The following WDCP variants were observed in gnomAD, a reference collection of about 807,000 sequenced individuals.
WDCP encodes WD repeat and coiled coil containing.
A neutral mutation model predicts 41.6 loss-of-function variants in WDCP; 19 were observed. That is an observed-to-expected ratio of 0.46 (90% CI 0.32 to 0.67). WDCP has a LOEUF of 0.67. Ranked by LOEUF, WDCP falls within the 30% of genes least tolerant of loss-of-function variation. The probability of loss-of-function intolerance (pLI) is 0.04; values close to 1 mark genes in which losing one functional copy is unlikely to be tolerated. For synonymous variants in WDCP, 302 were observed against 320.8 expected (o/e 0.94, Z 0.63); for missense variants, 802 against 850.7 (o/e 0.94, Z 0.71).
At position 24,038,714 on chromosome 2, in the gene WDCP, C is replaced by G. The variant is rs778999786; in HGVS notation, c.781G>C (p.Asp261His). ...GTTTCAGAATCAGTTGCCTCTTTAT[C>G]CATAGAGCGTACTTCACCAATAACT... ...LPVIGEVRSM[D>H]KEATDSETNS... Residue 261 changes from aspartate to histidine, a missense_variant, in exon 2 of 4, where the codon GAT (aspartate) becomes CAT (histidine). Around this residue, in one of 5 missense-constraint regions of WDCP, gnomAD observed 247 missense variants for 240.5 expected, o/e 1.03. Transcript: ENST00000295148. The G allele has an allele frequency of 1.9e-6, 3 of 1,614,186 alleles. No individual in the cohort carries two copies. The highest frequency in any genetic ancestry group is 2.5e-6 in the Non-Finnish European group (3 of 1,180,006).
Position 24,038,210 on chromosome 2 carries a change from TAACA to T in WDCP, c.1281_1284del (p.Val428GlufsTer3), listed in dbSNP as rs758161353. 146 of 1,614,128 alleles carry T rather than the reference TAACA, an allele frequency of 9.0e-5. No homozygotes were observed. The highest frequency in any genetic ancestry group is 3.4e-6 in the Non-Finnish European group (4 of 1,180,050). On this transcript the variant is annotated frameshift_variant, in exon 2 of 4. Coordinates refer to ENST00000295148, the MANE Select transcript of WDCP (RefSeq NM_025203.3). LOFTEE classifies it high-confidence loss of function. ...GGTTCTTCTTCCAACATTATTTCTC[TAACA>T]ATCAAGCTAATGGCATACTGATCAG...
intron 2 of WDCP, chr2:24,033,328 G>A (rs1319302112): frequency 1.5e-5 from 5 of 330,144 alleles, no homozygotes; most frequent in South Asian, 2.8e-5. Context: ...AAAAAATGCC[G>A]AGAGAGTGTC....
At position 24,037,797 on chromosome 2, in the gene WDCP, C is replaced by A; in HGVS notation, c.1698G>T (p.Arg566Ser). The change falls in exon 2 of 4, where the codon AGG becomes AGT. Residue 566 changes from arginine (R) to serine (S), a missense_variant. This residue lies in a region of WDCP where 321 missense variants were observed against 305.1 expected (regional missense o/e 1.05). Transcript: ENST00000295148. ...QLSKEVEILSRNLVEMQRCLS... is the reference protein window; with the variant it reads ...QLSKEVEILSSNLVEMQRCLS... ...GACACCGTTGCATTTCAACCAGGTT[C>A]CTAGATAAAATTTCCACTTCCTTAG... 9.3e-6 allele frequency: 15 copies of A among 1,614,218 alleles called. No individual in the cohort carries two copies. The highest frequency in any genetic ancestry group is 1.3e-5 in the Non-Finnish European group (15 of 1,180,046).
At chr2:24,032,802 T>A in intron 3 of WDCP, 27 bp downstream of exon 3, 2 of 1,320,714 alleles carry the variant, frequency 1.5e-6, no homozygotes, top group Non-Finnish European at 2.2e-6. Context: ...GGATGTTAGC[T>A]AGGGTCAATT....
At chr2:24,039,570 A>C (rs193024910) in intron 1 of WDCP, 58 bp from the exon 2 acceptor site, 1 of 1,505,896 alleles carries the variant, frequency 6.6e-7, no homozygotes, top group African/African-American at 1.4e-5. Context: ...TCTAGAATGT[A>C]GGACATTTGG....
Position 24,038,966 on chromosome 2 carries a change from T to C in WDCP, c.529A>G (p.Ser177Gly), listed in dbSNP as rs1300478837. 5.0e-6 allele frequency: 8 copies of C among 1,614,218 alleles called. No individual in the cohort carries two copies. Among genetic ancestry groups the C allele is most frequent in the Non-Finnish European group, 6.8e-6 (8 of 1,180,042 alleles). ...DGLRLVVAVG[S>G]SLHSYIWDSA... is the part of the protein sequence containing the mutation. ...TCCCAAATATAAGAATGCAGGCTGC[T>C]GCCTACTGCCACCACCAGCCTCAGG... Residue 177 changes from serine (S) to glycine (G), a missense_variant, in exon 2 of 4, where the codon AGC (serine) becomes GGC (glycine). By Grantham distance (56) the Ser-to-Gly change is moderately conservative. Coordinates refer to ENST00000295148, the MANE Select transcript of WDCP (RefSeq NM_025203.3).
chr2:24,042,535 C>CAAAAA (rs35044474), intron 1 of WDCP, among the ~76,000 whole-genome samples: 17 of 61,568 alleles, frequency 2.8e-4, no homozygotes, highest in African/African-American at 2.1e-4. Flanking sequence ...TACTCCGTCT[C>CAAAAA]AAAAAAAAAA....
rs1159602927 is a variant in WDCP at position 24,038,508 on chromosome 2, G to T, written c.987C>A (p.Thr329=). 1.2e-6 allele frequency: 2 copies of T among 1,614,178 alleles called. No homozygotes were observed. Among genetic ancestry groups the T allele is most frequent in the Non-Finnish European group, 1.7e-6 (2 of 1,180,038 alleles). The change falls in exon 2 of 4, where the codon ACC becomes ACA. Residue 329 remains threonine (T), a synonymous_variant. Transcript: ENST00000295148. The part of the protein sequence containing the change: ...LVLVTFKKAV[T]MTRKVTIPGI... ...CTGGAATAGTGACTTTTCTCGTCATGGTAACTGCCTTCTTAAAGGTCACAA... is the reference window on the plus strand; with the variant it reads ...CTGGAATAGTGACTTTTCTCGTCATTGTAACTGCCTTCTTAAAGGTCACAA...
chr2:24,033,154 A>C, intron 2 of WDCP: 1 of 647,380 alleles, frequency 1.5e-6, no homozygotes, highest in Non-Finnish European at 2.9e-6. Context: ...CTTTTGTTCT[A>C]CTCTTTCCTC....
chr2:24,041,767 T>A (rs1237049001), intron 1 of WDCP, among the ~76,000 whole-genome samples: 4 of 147,370 alleles, frequency 2.7e-5, no homozygotes, highest in African/African-American at 1.0e-4. Flanking sequence ...GCTGGACAAT[T>A]GCTTGAACCT....
At chr2:24,039,566 A>T in intron 1 of WDCP, 54 bp from the exon 2 acceptor site, 1 of 1,506,952 alleles carries the variant, frequency 6.6e-7, no homozygotes, top group Non-Finnish European at 9.0e-7. Flanking sequence ...CAAATCTAGA[A>T]TGTAGGACAT....
intron 2 of WDCP, among the ~76,000 whole-genome samples, chr2:24,036,065 A>ACAATAAATAAATAAATAAAT (rs1663243793): frequency 7.1e-6 from 1 of 140,362 alleles, no homozygotes; most frequent in Non-Finnish European, 1.5e-5. Context: ...CTCCGTCTCA[A>ACAATAAATAAATAAATAAAT]AAATAAATAA....
In WDCP at chr2:24,039,291, A is replaced by T; in HGVS notation, c.204T>A (p.Pro68=). ...ECVCGLSWAP[P]VADDTPVLLA... ...GTAGAACAGGTGTATCATCTGCAAC[A>T]GGTGGGGCCCAGGACAACCCACAGA... Residue 68 remains proline (P), a synonymous_variant, in exon 2 of 4, where the codon CCT becomes CCA. Transcript: ENST00000295148. The T allele has an allele frequency of 6.2e-7, 1 of 1,614,242 alleles. No homozygotes were observed. Among genetic ancestry groups the T allele is most frequent in the East Asian group, 2.2e-5 (1 of 44,886 alleles).
At chr2:24,042,574 T>C (rs1391948045) in intron 1 of WDCP, among the ~76,000 whole-genome samples, 1 of 142,354 alleles carries the variant, frequency 7.0e-6, no homozygotes, top group East Asian at 2.0e-4. Context: ...CTGGCTGTGG[T>C]GGCGCATGCC....
chr2:24,034,516 C>T (rs1489624011), intron 2 of WDCP, among the ~76,000 whole-genome samples: 6 of 151,580 alleles, frequency 4.0e-5, no homozygotes, highest in African/African-American at 1.5e-4. Flanking sequence ...CTGACAACAG[C>T]TTGGTTGGAT....
intron 1 of WDCP, chr2:24,045,910 T>C (rs943917570): frequency 2.0e-5 from 3 of 152,188 alleles, no homozygotes; most frequent in South Asian, 2.1e-4. Flanking sequence ...AGGGATGACT[T>C]GCAAATTTGT....
intron 2 of WDCP, among the ~76,000 whole-genome samples, chr2:24,036,358 T>A (rs1663256366): frequency 6.6e-6 from 1 of 150,894 alleles, no homozygotes; most frequent in Non-Finnish European, 1.5e-5. Flanking sequence ...AAAAAAAAAA[T>A]TAGCCAAGTG....
chr2:24,042,218 G>C (rs1165872150), intron 1 of WDCP, among the ~76,000 whole-genome samples: 2 of 151,732 alleles, frequency 1.3e-5, no homozygotes, highest in Admixed American at 6.6e-5. Flanking sequence ...CCTGACCAAC[G>C]TGGAGAAACC....
intron 1 of WDCP, 145 bp downstream of exon 1, chr2:24,047,169 G>C (rs931804915): frequency 1.3e-5 from 2 of 151,552 alleles, no homozygotes; most frequent in Non-Finnish European, 2.9e-5. Context: ...CCTCACACGC[G>C]GCCCGCCCCA....
Sources: gnomAD v4.1 joint callset for allele counts (sites outside exome capture counted in the v4.1 genomes callset) on GRCh38, gnomAD v4.1.1 for gene constraint, gnomAD v4.1.1 regional missense constraint, MANE v1.5 for transcripts, NCBI Gene and HGNC (gene_info 2026-07-23, HGNC 2026-07-21) for gene names.